Variants in ZFHX3 observed in about 807,000 individuals in gnomAD.
ZFHX3 encodes the protein zinc finger homeobox 3.
ZFHX3 carries 42 observed loss-of-function variants against 279.1 expected under a neutral mutation model. The ratio of observed to expected loss-of-function variants is 0.15; its 90% confidence interval spans 0.12 to 0.19. ZFHX3 has a LOEUF of 0.19. Among genes scored for constraint, ZFHX3 ranks in the 10% least tolerant of loss-of-function variants. ZFHX3 has a pLI of 1.00. For missense variants in ZFHX3, 4,981 were observed against 4,754.0 expected, an observed-to-expected ratio of 1.05 and a Z score of -1.40; for synonymous variants, 2,293 against 1,957.8, an observed-to-expected ratio of 1.17 and a Z score of -4.52.
chr16:73,454,486 A>G (rs1319726656), intron 3 of ZFHX3, among the ~76,000 whole-genome samples: 1 of 151,644 alleles, frequency 6.6e-6, no homozygotes, highest in Non-Finnish European at 1.5e-5. Flanking sequence ...CATTCAAGCT[A>G]CCAAATTCAG....
At chr16:73,523,696 G>A (rs1373406136) in intron 2 of ZFHX3, among the ~76,000 whole-genome samples, 2 of 150,898 alleles carry the variant, frequency 1.3e-5, no homozygotes, top group East Asian at 3.9e-4. Flanking sequence ...GATGGATAAA[G>A]TCTTTTCTCT....
At chr16:73,542,424 G>C (rs1163548328) in intron 2 of ZFHX3, among the ~76,000 whole-genome samples, 1 of 152,018 alleles carries the variant, frequency 6.6e-6, no homozygotes, top group African/African-American at 2.4e-5. Context: ...ACAGACACCT[G>C]TCCATTGTGA....
At chr16:73,201,707 A>C (rs1289367480) in intron 5 of ZFHX3, among the ~76,000 whole-genome samples, 2 of 152,222 alleles carry the variant, frequency 1.3e-5, no homozygotes, top group Admixed American at 1.3e-4. Flanking sequence ...AAAAATCCTT[A>C]AAAATAATAA....
At chr16:73,830,643 G>T (rs1273135321) in intron 1 of ZFHX3, among the ~76,000 whole-genome samples, 1 of 152,116 alleles carries the variant, frequency 6.6e-6, no homozygotes, top group African/African-American at 2.4e-5. Context: ...AGAGCTACTG[G>T]CATTTGCCTC....
chr16:73,420,942 ATTGGAATT>A (rs1356930846), intron 3 of ZFHX3: 1 of 152,200 alleles, frequency 6.6e-6, no homozygotes, highest in African/African-American at 2.4e-5. Flanking sequence ...GGCTCATTTC[ATTGGAATT>A]TTGGTCATGC....
chr16:73,555,546 G>C (rs540439455), intron 2 of ZFHX3, among the ~76,000 whole-genome samples: 5 of 152,142 alleles, frequency 3.3e-5, no homozygotes, highest in Non-Finnish European at 7.4e-5. Flanking sequence ...AAAGGATGCA[G>C]TTGGCCGGGT....
chr16:72,952,511 T>C (rs1436011184), intron 2 of ZFHX3, among the ~76,000 whole-genome samples: 1 of 152,004 alleles, frequency 6.6e-6, no homozygotes, highest in East Asian at 1.9e-4. Flanking sequence ...AGGACAGGGG[T>C]CCAGTCTTAT....
At chr16:73,124,418 T>G (rs1381201063) in intron 7 of ZFHX3, among the ~76,000 whole-genome samples, 3 of 152,180 alleles carry the variant, frequency 2.0e-5, no homozygotes, top group Admixed American at 2.0e-4. Context: ...CCCTATGACC[T>G]AATCACTTCC....
chr16:72,816,372 G>C (rs879909929), intron 5 of ZFHX3, among the ~76,000 whole-genome samples: 26 of 152,256 alleles, frequency 1.7e-4, no homozygotes, highest in Non-Finnish European at 1.5e-4. Context: ...GATTTCAAAG[G>C]GGATAAAAAT....
intron 3 of ZFHX3, among the ~76,000 whole-genome samples, chr16:73,449,489 C>T (rs564343290): frequency 7.2e-5 from 11 of 151,792 alleles, no homozygotes; most frequent in Middle Eastern, 3.4e-3. Context: ...TAGCAAGACC[C>T]CATCTCAAAA....
chr16:73,743,145 A>G (rs139511411), intron 1 of ZFHX3, among the ~76,000 whole-genome samples: 4 of 152,334 alleles, frequency 2.6e-5, no homozygotes, highest in Admixed American at 6.5e-5. Context: ...TTGAACTACA[A>G]CTTGCTTTTT....
At chr16:73,792,751 G>T (rs1397921096) in intron 1 of ZFHX3, among the ~76,000 whole-genome samples, 1 of 152,138 alleles carries the variant, frequency 6.6e-6, no homozygotes, top group Non-Finnish European at 1.5e-5. Flanking sequence ...AAAGGCTGGC[G>T]GCTCAAGGGT....
At chr16:73,326,813 G>A (rs1302680495) in intron 3 of ZFHX3, among the ~76,000 whole-genome samples, 4 of 152,116 alleles carry the variant, frequency 2.6e-5, no homozygotes, top group Non-Finnish European at 4.4e-5. Context: ...TGAAGCTATA[G>A]CCCCTATTTG....
chr16:72,951,439 T>C (rs13336147), intron 2 of ZFHX3, among the ~76,000 whole-genome samples: 28,879 of 151,966 alleles, frequency 0.19, 3,205 homozygotes, highest in Non-Finnish European at 0.26. Flanking sequence ...TTTTGTCTTT[T>C]TTAGTAGAGA....
chr16:73,605,723 G>A (rs568621910), intron 2 of ZFHX3, among the ~76,000 whole-genome samples: 30 of 152,142 alleles, frequency 2.0e-4, no homozygotes, highest in African/African-American at 6.3e-4. Context: ...GAATGATGTC[G>A]TGAACAGCAG....
chr16:73,686,463 C>T (rs2053085190), intron 1 of ZFHX3, among the ~76,000 whole-genome samples: 1 of 152,186 alleles, frequency 6.6e-6, no homozygotes, highest in South Asian at 2.1e-4. Context: ...TCTTGCATAA[C>T]ACGTTTTGCA....
intron 5 of ZFHX3, among the ~76,000 whole-genome samples, chr16:73,196,660 T>C (rs1441927492): frequency 1.3e-5 from 2 of 152,150 alleles, no homozygotes; most frequent in Non-Finnish European, 2.9e-5. Flanking sequence ...CATGTAGCTA[T>C]GGAATGAAAA....
At chr16:72,939,391 G>A (rs1257902077) in intron 3 of ZFHX3, among the ~76,000 whole-genome samples, 3 of 152,306 alleles carry the variant, frequency 2.0e-5, no homozygotes, top group South Asian at 4.1e-4. Context: ...TTCGAAACCA[G>A]CAAGACATGT....
chr16:73,401,793 T>A (rs1273344360), intron 3 of ZFHX3: 2 of 152,238 alleles, frequency 1.3e-5, no homozygotes, highest in Non-Finnish European at 2.9e-5. Context: ...AATTGGGTAA[T>A]TGTTCCTCAT....
Sources: gnomAD v4.1 joint callset for allele counts (sites outside exome capture counted in the v4.1 genomes callset) on GRCh38, gnomAD v4.1.1 for gene constraint, MANE v1.5 for transcripts, NCBI Gene and HGNC (gene_info 2026-07-23, HGNC 2026-07-21) for gene names.